The following DNMT3A variants were observed in gnomAD, a reference collection of about 807,000 sequenced individuals.
DNMT3A encodes the protein DNA methyltransferase 3 alpha.
In DNMT3A, 267 loss-of-function variants were observed where a neutral mutation model predicts 117.6. The ratio of observed to expected loss-of-function variants is 2.27; its 90% CI spans 2.05 to 2.51. DNMT3A has a LOEUF of 2.51. DNMT3A is among the 30% of genes most tolerant of loss of function. DNMT3A has a pLI of 0.00. For missense variants in DNMT3A, 1,029 were observed against 1,260.2 expected, an observed-to-expected ratio of 0.82 and a Z score of 2.78; for synonymous variants, 432 against 474.8, an observed-to-expected ratio of 0.91 and a Z score of 1.17.
intron 2 of DNMT3A, among the ~76,000 whole-genome samples, chr2:25,308,753 G>A (rs917508805): frequency 6.6e-6 from 1 of 152,220 alleles, no homozygotes; most frequent in Non-Finnish European, 1.5e-5. Flanking sequence ...GTGCAAGAAA[G>A]GCAGAACATG....
At chr2:25,314,812 A>C in intron 1 of DNMT3A, 11 of 636,498 alleles carry the variant, frequency 1.7e-5, no homozygotes, top group Non-Finnish European at 2.2e-5. Context: ...CCCCCACCCC[A>C]TGAACCAGCC....
intron 1 of DNMT3A, chr2:25,314,544 A>AGCCC: frequency 1.0e-6 from 1 of 982,614 alleles, no homozygotes; most frequent in Non-Finnish European, 1.2e-6. Flanking sequence ...AGAGGCCCCT[A>AGCCC]GCCCAGCTAC....
intron 2 of DNMT3A, among the ~76,000 whole-genome samples, chr2:25,312,674 T>C (rs34048824): frequency 0.41 from 62,938 of 152,010 alleles, 13,351 homozygotes; most frequent in Middle Eastern, 0.48. Flanking sequence ...CCCCATTTGT[T>C]TCAAGAGTTG....
intron 1 of DNMT3A, among the ~76,000 whole-genome samples, chr2:25,333,641 T>TCTTACAGAGCAGCAGGGC (rs1383883822): frequency 8.5e-5 from 13 of 152,180 alleles, no homozygotes; most frequent in Admixed American, 2.6e-4. Flanking sequence ...ACTTGCAGGG[T>TCTTACAGAGCAGCAGGGC]CTTACAGAGC....
rs1437056505 is a variant in DNMT3A at position 25,314,024 on chromosome 2, G to A, written c.-40C>T. On this transcript the variant is annotated 5_prime_UTR_variant, in exon 2 of 23. Transcript: ENST00000321117. ...GCAGGCTGGGGCTGCGCGGGGCTGG[G>A]GGGCTGCTGGGCTTTGGGGAAGGAA... 2.7e-6 allele frequency: 4 copies of A among 1,499,460 alleles called. No individual in the cohort carries two copies. The highest frequency in any genetic ancestry group is 3.6e-6 in the Non-Finnish European group (4 of 1,124,984). The allele number at this position is 1,499,460 out of a possible 1,614,324, so 92.9% of individuals were successfully genotyped here. A position where few individuals can be genotyped will look rare whatever the true frequency, so the allele number is the denominator to read the frequency against.
rs568058799 is a variant in DNMT3A, at chr2:25,297,443, C to T, written c.177+2696G>A. 2.4e-3 allele frequency among the ~76,000 whole-genome samples: 359 copies of T among 152,262 alleles called. 1 individual carries two copies. The highest frequency in any genetic ancestry group is 8.3e-3 in the African/African-American group (344 of 41,550). On this transcript the variant is annotated intron_variant, in intron 3 of 22. Coordinates refer to ENST00000321117, the MANE Select transcript of DNMT3A (RefSeq NM_022552.5). ...TGGGCCCCCACCCCATAGGCCTGCA[C>T]CCCAGCCTGGTGGACACTGGGCCCT...
intron 1 of DNMT3A, among the ~76,000 whole-genome samples, chr2:25,341,239 G>A (rs2149457993): frequency 6.9e-6 from 1 of 144,356 alleles, no homozygotes; most frequent in Non-Finnish European, 1.5e-5. Context: ...GGGCCGGGTC[G>A]TGCCAGGCTG....
chr2:25,244,755 GACATGA>G, intron 13 of DNMT3A, 103 bp from the exon 14 acceptor site: 1 of 964,396 alleles, frequency 1.0e-6, no homozygotes, highest in South Asian at 1.4e-5. Flanking sequence ...AAGCCCTGAA[GACATGA>G]CCCCGCCACC....
Position 25,252,005 on chromosome 2 carries a change from G to T in DNMT3A, c.640-3753C>A. On this transcript the variant is annotated intron_variant, in intron 6 of 22. Coordinates refer to ENST00000321117, the MANE Select transcript of DNMT3A (RefSeq NM_022552.5). This position sits in a 1 kb window ranked among gnomAD's most constrained non-coding sequence, Gnocchi z 5.5. ...GAGGAGTGGGGCCTTGGGGCTCGTG[G>T]GCAGGAAGGCGGCGGGCCAGCACTA... The T allele has an allele frequency of 3.0e-6, 2 of 671,256 alleles. No homozygotes were observed. Among genetic ancestry groups the T allele is most frequent in the Non-Finnish European group, 4.7e-6 (2 of 428,020 alleles). 41.6% of individuals were successfully genotyped at this position (671,256 alleles called of 1,614,324 possible). A position where few individuals can be genotyped will look rare whatever the true frequency, so the allele number is the denominator to read the frequency against.
intron 6 of DNMT3A, chr2:25,249,750 T>A: frequency 6.2e-7 from 1 of 1,613,512 alleles, no homozygotes; most frequent in Non-Finnish European, 8.5e-7. Context: ...AAATCCTTGA[T>A]ACTTAGCTCT....
intron 1 of DNMT3A, among the ~76,000 whole-genome samples, chr2:25,318,164 G>T (rs1043745066): frequency 6.6e-6 from 1 of 152,196 alleles, no homozygotes; most frequent in African/African-American, 2.4e-5. Flanking sequence ...AAGGTTTAAG[G>T]ATGCCAATAC....
rs1483492641 is a variant in DNMT3A, at chr2:25,230,386, C to CAAGA, written c.*3889_*3892dup. 1 of 152,260 alleles carries CAAGA rather than the reference C, an allele frequency of 6.6e-6. No homozygotes were observed. The highest frequency in any genetic ancestry group is 1.5e-5 in the Non-Finnish European group (1 of 68,080). 9.4% of individuals were successfully genotyped at this position (152,260 alleles called of 1,614,324 possible). On this transcript the variant is annotated 3_prime_UTR_variant, in exon 23 of 23. Coordinates refer to ENST00000321117, the MANE Select transcript of DNMT3A (RefSeq NM_022552.5). Reference sequence around the variant, plus strand: ...CGAGCACCTGGCTACCTCCCCCAGGCAAGAGCCACGGATCTCTTTGGCATC... The same window carrying CAAGA: ...CGAGCACCTGGCTACCTCCCCCAGGCAAGAAAGAGCCACGGATCTCTTTGGCATC...
chr2:25,307,320 C>T (rs571876810), intron 2 of DNMT3A, among the ~76,000 whole-genome samples: 1 of 152,254 alleles, frequency 6.6e-6, no homozygotes, highest in South Asian at 2.1e-4. Context: ...TGCTCCACCA[C>T]TCAGCTCTAT....
intron 1 of DNMT3A, among the ~76,000 whole-genome samples, chr2:25,329,671 CCCCACA>C (rs914615911): frequency 1.1e-4 from 10 of 95,114 alleles, no homozygotes; most frequent in South Asian, 6.8e-4. Flanking sequence ...GTCATGCAGA[CCCCACA>C]CACACACACA....
At chr2:25,272,748 A>G (rs2031023178) in intron 6 of DNMT3A, among the ~76,000 whole-genome samples, 1 of 151,894 alleles carries the variant, frequency 6.6e-6, no homozygotes, top group African/African-American at 2.4e-5. Context: ...CCTGGATCCC[A>G]GAGGAAAAGA....
chr2:25,338,157 G>A (rs2035281288), intron 1 of DNMT3A, among the ~76,000 whole-genome samples: 1 of 152,144 alleles, frequency 6.6e-6, no homozygotes, highest in South Asian at 2.1e-4. Context: ...CATGTGACTG[G>A]CACGTGAATG....
At chr2:25,275,905 C>T (rs2031371678) in intron 4 of DNMT3A, among the ~76,000 whole-genome samples, 1 of 152,090 alleles carries the variant, frequency 6.6e-6, no homozygotes, top group Admixed American at 6.5e-5. Context: ...ACCTCCTTCC[C>T]CAAAGGAGGA....
intron 1 of DNMT3A, among the ~76,000 whole-genome samples, chr2:25,322,755 A>T (rs1287316479): frequency 7.0e-6 from 1 of 143,854 alleles, no homozygotes; most frequent in Admixed American, 7.2e-5. Flanking sequence ...CCCCCCTGCC[A>T]CCCCACAGTC....
rs1046147172 is a variant in DNMT3A, at chr2:25,327,954, C to T, written c.-177-13793G>A. 6.6e-6 allele frequency among the ~76,000 whole-genome samples: 1 copy of T among 152,184 alleles called. No individual in the cohort carries two copies. The highest frequency in any genetic ancestry group is 2.4e-5 in the African/African-American group (1 of 41,446). On this transcript the variant is annotated intron_variant, in intron 1 of 22. Coordinates refer to ENST00000321117, the MANE Select transcript of DNMT3A (RefSeq NM_022552.5). This position sits in a 1 kb window ranked among gnomAD's most constrained non-coding sequence, Gnocchi z 4.1. ...TTGGGCTTCTCTCGTCCCCCTATTC[C>T]CTCCAGGCCCTTTGTACCTCTTGTG...
Sources: allele counts gnomAD v4.1 joint callset (sites outside exome capture counted in the v4.1 genomes callset), GRCh38; gene constraint gnomAD v4.1.1; non-coding constraint Gnocchi (gnomAD v3.1); transcripts MANE v1.5; gene names NCBI Gene and HGNC (gene_info 2026-07-23, HGNC 2026-07-21).